Variants in TEAD4 observed in about 807,000 individuals in gnomAD.
The protein encoded by TEAD4 is transcriptional enhancer factor TEF-3.
TEAD4 carries 36 observed loss-of-function variants against 52.4 expected under a neutral mutation model. The observed-to-expected ratio is 0.69, with a 90% CI of 0.53 to 0.91. TEAD4 has a LOEUF of 0.91. TEAD4 is among the 40% of genes least tolerant of loss of function. The pLI is 0.00. For synonymous variants in TEAD4, 220 were observed against 231.0 expected, an observed-to-expected ratio of 0.95 and a Z score of 0.43; for missense variants, 508 against 583.9, an observed-to-expected ratio of 0.87 and a Z score of 1.34.
At chr12:3,015,970 G>A (rs1025468628) in intron 5 of TEAD4, among the ~76,000 whole-genome samples, 5 of 152,052 alleles carry the variant, frequency 3.3e-5, no homozygotes, top group Non-Finnish European at 7.4e-5. Context: ...GAAGCCAGGC[G>A]TTTGAGGCCA....
intron 10 of TEAD4, among the ~76,000 whole-genome samples, chr12:3,031,890 C>A (rs918624271): frequency 6.6e-6 from 1 of 152,158 alleles, no homozygotes. Flanking sequence ...GTCCTCCTTG[C>A]GAAGTCACTG....
At chr12:3,015,882 TAA>T (rs997924627) in intron 5 of TEAD4, among the ~76,000 whole-genome samples, 1 of 150,674 alleles carries the variant, frequency 6.6e-6, no homozygotes, top group African/African-American at 2.4e-5. Flanking sequence ...TCTTTGTCAT[TAA>T]AAAAAAATTC....
chr12:3,007,034 CAA>C (rs2098256500), intron 3 of TEAD4, among the ~76,000 whole-genome samples: 1 of 152,068 alleles, frequency 6.6e-6, no homozygotes, highest in Non-Finnish European at 1.5e-5. Context: ...CAAAACAAAA[CAA>C]AAAAGAAGAC....
At chr12:3,021,769 G>A (rs2098268866) in intron 9 of TEAD4, 75 bp from the exon 10 acceptor site, 13 of 1,521,866 alleles carry the variant, frequency 8.5e-6, no homozygotes, top group Non-Finnish European at 1.2e-5. Context: ...TCACGTGGTG[G>A]GCACGCAGAG....
intron 3 of TEAD4, among the ~76,000 whole-genome samples, chr12:3,001,741 C>T (rs1353718733): frequency 1.3e-5 from 2 of 151,420 alleles, no homozygotes; most frequent in Admixed American, 1.3e-4. Context: ...CATGCCACTG[C>T]ACTCCAGCCT....
At chr12:2,966,252 C>T (rs560588358) in intron 2 of TEAD4, among the ~76,000 whole-genome samples, 50 of 152,094 alleles carry the variant, frequency 3.3e-4, no homozygotes, top group African/African-American at 1.2e-3. Context: ...TGACCCACTA[C>T]GCTGGATGCT....
At chr12:3,004,701 C>T (rs187450309) in intron 3 of TEAD4, among the ~76,000 whole-genome samples, 5 of 152,358 alleles carry the variant, frequency 3.3e-5, no homozygotes, top group Admixed American at 6.5e-5. Flanking sequence ...GGATACATAT[C>T]TGTATCCGCA....
intron 2 of TEAD4, among the ~76,000 whole-genome samples, chr12:2,965,507 A>G (rs1565519938): frequency 6.6e-6 from 1 of 152,080 alleles, no homozygotes; most frequent in East Asian, 1.9e-4. Context: ...AGTGAAGTTA[A>G]TGTTGGTGTT....
chr12:3,017,566 C>T, intron 6 of TEAD4, 40 bp downstream of exon 6: 1 of 1,575,194 alleles, frequency 6.3e-7, no homozygotes, highest in Non-Finnish European at 8.6e-7. Context: ...GGCCAGCCCT[C>T]TCCTCCTCCC....
intron 10 of TEAD4, among the ~76,000 whole-genome samples, chr12:3,030,417 C>T (rs2098274799): frequency 6.6e-6 from 1 of 152,128 alleles, no homozygotes; most frequent in South Asian, 2.1e-4. Context: ...TTTGTCAGTT[C>T]CTGGGGACAA....
rs966022586 is a variant in TEAD4, at chr12:2,959,521, C to T, written c.-123+40C>T. On this transcript the variant is annotated intron_variant, in intron 1 of 12. Transcript: ENST00000359864. This position sits in a 1 kb window ranked among gnomAD's most constrained non-coding sequence, Gnocchi z 5.1. ...CGCCCGCCGCACCCGCCGGCGCCCT[C>T]ACGGGCCGCGCGCCCCACGCCGCCG... The T allele has an allele frequency of 6.8e-6, 1 of 147,910 alleles. No individual in the cohort carries two copies. Among genetic ancestry groups the T allele is most frequent in the Admixed American group, 6.8e-5 (1 of 14,810 alleles). The allele number at this position is 147,910 out of a possible 1,614,324, so 9.2% of individuals were successfully genotyped here.
Position 2,994,674 on chromosome 12 carries a change from C to A in TEAD4, c.-29-64C>A. 6.8e-6 allele frequency: 10 copies of A among 1,481,014 alleles called. No individual in the cohort carries two copies. Among genetic ancestry groups the A allele is most frequent in the Non-Finnish European group, 8.0e-6 (9 of 1,121,932 alleles). 91.7% of individuals were successfully genotyped at this position (1,481,014 alleles called of 1,614,324 possible). ...CGGGCTCTGGCACTCCCCGGAGTGC[C>A]TTCATCCCGTGGCCCACGCAGTTCT... On this transcript the variant is annotated intron_variant, in intron 2 of 12. Transcript: ENST00000359864. The surrounding 1 kb of genome is among the most constrained non-coding windows in gnomAD (Gnocchi z 4.7).
intron 10 of TEAD4, among the ~76,000 whole-genome samples, chr12:3,025,629 C>T (rs891591758): frequency 2.6e-5 from 4 of 152,016 alleles, no homozygotes; most frequent in African/African-American, 7.2e-5. Context: ...CTCCACCTCC[C>T]AGGTTCAAGC....
intron 6 of TEAD4, 51 bp from the exon 7 acceptor site, chr12:3,018,491 AGGG>A: frequency 6.2e-7 from 1 of 1,611,442 alleles, no homozygotes; most frequent in Non-Finnish European, 8.5e-7. Context: ...CCCACACCAC[AGGG>A]CCCCGGGTGC....
At chr12:2,979,772 C>T (rs1369214702) in intron 2 of TEAD4, among the ~76,000 whole-genome samples, 1 of 152,226 alleles carries the variant, frequency 6.6e-6, no homozygotes, top group Non-Finnish European at 1.5e-5. Flanking sequence ...CTTAAAGGCT[C>T]CATCTCCCAA....
chr12:3,037,314 T>C (rs958742423), intron 10 of TEAD4, among the ~76,000 whole-genome samples: 3 of 152,112 alleles, frequency 2.0e-5, no homozygotes, highest in Admixed American at 2.0e-4. Context: ...GAGGGACAGC[T>C]GGTGCTGGGG....
Position 3,018,566 on chromosome 12 carries a change from G to A in TEAD4, c.505G>A (p.Gly169Ser). Residue 169 changes from glycine (G) to serine (S), a missense_variant, in exon 7 of 13, where the codon GGC becomes AGC. Gly to Ser is a moderately conservative substitution (Grantham distance 56). Transcript: ENST00000359864. ...TCAGTTTTGGCAAGGAGCTTTGCCA[G>A]GCCAAGCCGGAACGTCCCATGAGTG... The A allele has an allele frequency of 6.2e-7, 1 of 1,614,074 alleles. No homozygotes were observed. Among genetic ancestry groups the A allele is most frequent in the Non-Finnish European group, 8.5e-7 (1 of 1,179,970 alleles).
chr12:3,035,233 G>T (rs1002333077), intron 10 of TEAD4, among the ~76,000 whole-genome samples: 19 of 152,212 alleles, frequency 1.2e-4, no homozygotes, highest in Non-Finnish European at 1.5e-5. Flanking sequence ...AAAGAATCAG[G>T]ATGTGTCGTA....
intron 2 of TEAD4, among the ~76,000 whole-genome samples, chr12:2,968,374 C>A (rs1175828597): frequency 2.0e-5 from 3 of 147,166 alleles, no homozygotes; most frequent in Non-Finnish European, 3.0e-5. Context: ...GTGTGAGCCA[C>A]CGCGCCCGGC....
Sources: gnomAD v4.1 joint callset for allele counts (sites outside exome capture counted in the v4.1 genomes callset) on GRCh38, gnomAD v4.1.1 for gene constraint, Gnocchi (gnomAD v3.1) non-coding constraint, MANE v1.5 for transcripts, NCBI Gene and HGNC (gene_info 2026-07-23, HGNC 2026-07-21) for gene names.